The following SPG11 variants were observed in gnomAD, a reference collection of about 807,000 sequenced individuals.
SPG11 encodes the protein spatacsin.
In SPG11, 222 loss-of-function variants were observed where a neutral mutation model predicts 274.0. The observed-to-expected ratio is 0.81, with a 90% confidence interval of 0.73 to 0.91. The LOEUF (loss-of-function observed/expected upper bound fraction) is 0.91, where lower values mean the gene tolerates loss of function less well. Among genes scored for constraint, SPG11 ranks in the 40% least tolerant of loss-of-function variants. The pLI is 0.00. For synonymous variants in SPG11, 1,144 were observed against 1,039.7 expected (o/e 1.10, Z -1.93); for missense variants, 3,114 against 2,872.7 (o/e 1.08, Z -1.92).
At chr15:44,591,980 G>T (rs1255903067) in intron 27 of SPG11, among the ~76,000 whole-genome samples, 2 of 151,904 alleles carry the variant, frequency 1.3e-5, no homozygotes, top group Middle Eastern at 6.8e-3. Context: ...GTGTGGTGGT[G>T]GGCACCTGTA....
rs569244092 is a variant in SPG11 at position 44,631,984 on chromosome 15, T to G, written c.1735+1521A>C. Among the ~76,000 whole-genome samples the G allele has an allele frequency of 7.6e-4, 116 of 151,702 alleles. 1 individual carries two copies. The highest frequency in any genetic ancestry group is 2.7e-3 in the African/African-American group (111 of 41,326). ...CCACCACGCACAGCTAATTTTTAAATTTTTTGTAGAGGTAAGGTTTCACTA... is the reference window on the plus strand; with the variant it reads ...CCACCACGCACAGCTAATTTTTAAAGTTTTTGTAGAGGTAAGGTTTCACTA... On this transcript the variant is annotated intron_variant, in intron 8 of 39. Transcript: ENST00000261866.
intron 30 of SPG11, 78 bp downstream of exon 30, chr15:44,583,736 A>G: frequency 1.3e-6 from 2 of 1,599,956 alleles, no homozygotes; most frequent in Non-Finnish European, 1.7e-6. Context: ...CTATTCTGCC[A>G]CAAGGGTCCC....
rs760885794 is a variant in SPG11, at chr15:44,563,316, A to G, written c.7152-15T>C. ...GTTGTTTATATCTAGATAAAGAAACATAATGTACAGGTTAAGATACTGTTT... is the reference window on the plus strand; with the variant it reads ...GTTGTTTATATCTAGATAAAGAAACGTAATGTACAGGTTAAGATACTGTTT... On this transcript the variant is annotated splice_polypyrimidine_tract_variant and intron_variant, in intron 39 of 39. Transcript: ENST00000261866. 3 of 1,607,446 alleles carry G rather than the reference A, an allele frequency of 1.9e-6. No homozygotes were observed. Among genetic ancestry groups the G allele is most frequent in the East Asian group, 2.2e-5 (1 of 44,850 alleles).
At chr15:44,633,038 T>C (rs557896118) in intron 8 of SPG11, among the ~76,000 whole-genome samples, 1 of 152,208 alleles carries the variant, frequency 6.6e-6, no homozygotes, top group East Asian at 1.9e-4. Flanking sequence ...TAGAATCTGA[T>C]AACACTGCCA....
chr15:44,599,580 G>T (rs2083131703), intron 21 of SPG11, among the ~76,000 whole-genome samples: 1 of 152,128 alleles, frequency 6.6e-6, no homozygotes, highest in East Asian at 1.9e-4. Flanking sequence ...TTACAGGTGT[G>T]AGCCATCGTG....
intron 18 of SPG11, among the ~76,000 whole-genome samples, chr15:44,610,169 C>T (rs1030547113): frequency 1.3e-5 from 2 of 151,700 alleles, no homozygotes; most frequent in South Asian, 2.1e-4. Flanking sequence ...TCCCAAAGTG[C>T]TGGGATTACA....
intron 7 of SPG11, among the ~76,000 whole-genome samples, chr15:44,644,110 T>C (rs1029724689): frequency 9.4e-5 from 14 of 148,252 alleles, no homozygotes; most frequent in Non-Finnish European, 1.8e-4. Flanking sequence ...GAGCTTGCAG[T>C]GAGCCGAGAT....
chr15:44,625,081 C>A (rs929271461), intron 11 of SPG11, among the ~76,000 whole-genome samples: 2 of 151,208 alleles, frequency 1.3e-5, no homozygotes, highest in Non-Finnish European at 2.9e-5. Flanking sequence ...GTTTTGTGAG[C>A]CAAGATCGCA....
chr15:44,589,147 G>A (rs2082839088), intron 28 of SPG11, 105 bp downstream of exon 28: 2 of 1,191,940 alleles, frequency 1.7e-6, no homozygotes, highest in Non-Finnish European at 2.5e-6. Context: ...TAGACTGTAA[G>A]TTAATGTTAC....
chr15:44,656,055 G>A lies in SPG11; in HGVS notation c.869+1040C>T, dbSNP rs543094553. ...GAAAGGCCCCTAAGAAGGATGGAAG[G>A]AATGGGATCTAAAGCACACACAGAG... On this transcript the variant is annotated intron_variant, in intron 4 of 39. Transcript: ENST00000261866. Among the ~76,000 whole-genome samples the A allele has an allele frequency of 2.4e-4, 36 of 152,218 alleles. 2 individuals carry two copies. The South Asian group carries it at 7.5e-3, about 32-fold the overall frequency.
In SPG11 at chr15:44,598,715, C is replaced by T. The variant is rs2083107894; in HGVS notation, c.3808G>A (p.Val1270Ile). The T allele has an allele frequency of 1.2e-6, 2 of 1,614,066 alleles. No homozygotes were observed. The highest frequency in any genetic ancestry group is 2.7e-5 in the African/African-American group (2 of 74,918). Reference sequence around the variant, plus strand: ...ATTATATTGGCCACTTTCATATCAACTCTGAGCTTGAGGCTGTCAAGGCCA... The same window carrying T: ...ATTATATTGGCCACTTTCATATCAATTCTGAGCTTGAGGCTGTCAAGGCCA... ...LLGLDSLKLR[V>I]DMKVANIILS... The change falls in exon 22 of 40, where the codon GTT becomes ATT. Residue 1270 changes from valine (V) to isoleucine (I), a missense_variant. Transcript: ENST00000261866.
At chr15:44,634,942 G>C (rs1314413208) in intron 7 of SPG11, among the ~76,000 whole-genome samples, 1 of 152,136 alleles carries the variant, frequency 6.6e-6, no homozygotes, top group East Asian at 1.9e-4. Flanking sequence ...ATGATGGCCA[G>C]GTGTGGTGGC....
chr15:44,638,295 C>A (rs886427391), intron 7 of SPG11, among the ~76,000 whole-genome samples: 24 of 152,006 alleles, frequency 1.6e-4, no homozygotes, highest in Admixed American at 5.9e-4. Flanking sequence ...AATGCCTCTA[C>A]TAAAAATACA....
At chr15:44,657,415 G>C in intron 3 of SPG11, 119 bp from the exon 4 acceptor site, 1 of 899,580 alleles carries the variant, frequency 1.1e-6, no homozygotes, top group South Asian at 1.5e-5. Flanking sequence ...AACAGAAGAA[G>C]ACTGAAAACT....
At chr15:44,619,873 T>C (rs1229707294) in intron 15 of SPG11, among the ~76,000 whole-genome samples, 2 of 151,900 alleles carry the variant, frequency 1.3e-5, no homozygotes, top group Non-Finnish European at 2.9e-5. Flanking sequence ...CCCGGCATTA[T>C]GCCTGGCTAA....
chr15:44,632,582 A>T (rs1291796114), intron 8 of SPG11, among the ~76,000 whole-genome samples: 2 of 151,286 alleles, frequency 1.3e-5, no homozygotes, highest in East Asian at 3.9e-4. Flanking sequence ...ACAATCATAG[A>T]TCACTGCAGC....
intron 11 of SPG11, among the ~76,000 whole-genome samples, chr15:44,623,464 C>T (rs1306007932): frequency 6.6e-6 from 1 of 152,160 alleles, no homozygotes; most frequent in Non-Finnish European, 1.5e-5. Context: ...CTGAAAGTTA[C>T]CATGGGCAAG....
At chr15:44,637,951 A>G (rs2084326816) in intron 7 of SPG11, among the ~76,000 whole-genome samples, 2 of 152,200 alleles carry the variant, frequency 1.3e-5, no homozygotes, top group Admixed American at 6.5e-5. Flanking sequence ...GAAGACAGTG[A>G]TATCGATGAT....
intron 30 of SPG11, among the ~76,000 whole-genome samples, chr15:44,577,452 A>G (rs2082561779): frequency 6.9e-6 from 1 of 143,904 alleles, no homozygotes; most frequent in African/African-American, 2.5e-5. Context: ...GCAGTGAGCC[A>G]TGTTTGCACC....
Sources: gnomAD v4.1 joint callset for allele counts (sites outside exome capture counted in the v4.1 genomes callset) on GRCh38, gnomAD v4.1.1 for gene constraint, MANE v1.5 for transcripts, NCBI Gene and HGNC (gene_info 2026-07-23, HGNC 2026-07-21) for gene names.